Variants in NEK7 observed in about 807,000 individuals in gnomAD.
The protein encoded by NEK7 is serine/threonine-protein kinase Nek7.
NEK7 carries 18 observed loss-of-function variants against 44.6 expected under a neutral mutation model. That is an observed-to-expected ratio of 0.40 (90% confidence interval 0.28 to 0.60). The LOEUF (loss-of-function observed/expected upper bound fraction) is 0.60, where lower values mean the gene tolerates loss of function less well. Ranked by LOEUF, NEK7 falls within the 20% of genes least tolerant of loss-of-function variation. The probability of loss-of-function intolerance (pLI) is 0.38; values close to 1 mark genes in which losing one functional copy is unlikely to be tolerated. For missense variants in NEK7, 256 were observed against 366.5 expected (o/e 0.70, Z 2.46); for synonymous variants, 130 against 121.1 (o/e 1.07, Z -0.48).
intron 5 of NEK7, among the ~76,000 whole-genome samples, chr1:198,270,611 C>T (rs934739575): frequency 6.6e-6 from 1 of 152,070 alleles, no homozygotes; most frequent in African/African-American, 2.4e-5. Flanking sequence ...AGGCTATCTT[C>T]TTAGATTGCT....
intron 1 of NEK7, among the ~76,000 whole-genome samples, chr1:198,199,033 G>A (rs1665333253): frequency 6.6e-6 from 1 of 152,216 alleles, no homozygotes; most frequent in Non-Finnish European, 1.5e-5. Context: ...CAGTGATGGA[G>A]CTGCAAATTC....
chr1:198,184,486 T>G (rs886560591), intron 1 of NEK7, among the ~76,000 whole-genome samples: 1 of 152,228 alleles, frequency 6.6e-6, no homozygotes, highest in Non-Finnish European at 1.5e-5. Flanking sequence ...CATATAACTT[T>G]CATTTTTCTA....
chr1:198,218,456 A>G (rs1330366905), intron 1 of NEK7, among the ~76,000 whole-genome samples: 2 of 151,960 alleles, frequency 1.3e-5, no homozygotes, highest in Admixed American at 1.3e-4. Context: ...AAGACCTGAA[A>G]CTATAAAAAT....
intron 2 of NEK7, among the ~76,000 whole-genome samples, chr1:198,249,045 C>A (rs1186328767): frequency 8.7e-6 from 1 of 114,676 alleles, no homozygotes; most frequent in Non-Finnish European, 1.7e-5. Flanking sequence ...CCCCCCTCCC[C>A]CCACCCCACA....
At chr1:198,170,568 ACTAT>A (rs1664406807) in intron 1 of NEK7, among the ~76,000 whole-genome samples, 1 of 152,152 alleles carries the variant, frequency 6.6e-6, no homozygotes, top group South Asian at 2.1e-4. Context: ...TAAAGGTATG[ACTAT>A]CTATTTGCCA....
chr1:198,293,086 T>C (rs1170756510), intron 8 of NEK7, 47 bp downstream of exon 8: 1 of 983,010 alleles, frequency 1.0e-6, no homozygotes, highest in Non-Finnish European at 1.6e-6. Flanking sequence ...TTTTACTTAG[T>C]ATATTTCCTC....
chr1:198,217,051 T>C (rs532324700), intron 1 of NEK7, among the ~76,000 whole-genome samples: 1 of 152,216 alleles, frequency 6.6e-6, no homozygotes, highest in South Asian at 2.1e-4. Context: ...ACAAGTGTAC[T>C]GAAACTATTT....
chr1:198,158,506 T>C (rs1663988400), intron 1 of NEK7, among the ~76,000 whole-genome samples: 1 of 152,206 alleles, frequency 6.6e-6, no homozygotes, highest in Admixed American at 6.5e-5. Flanking sequence ...AGAGTATGTG[T>C]ATTATAAATA....
intron 1 of NEK7, among the ~76,000 whole-genome samples, chr1:198,221,607 T>C (rs1464942994): frequency 6.6e-6 from 1 of 151,790 alleles, no homozygotes; most frequent in African/African-American, 2.4e-5. Flanking sequence ...TTTTGAAATG[T>C]ATATTGGTTT....
chr1:198,256,259 A>C lies in NEK7; in HGVS notation c.198+3079A>C, dbSNP rs898696556. 4.9e-6 allele frequency: 7 copies of C among 1,438,226 alleles called. No individual in the cohort carries two copies. The African/African-American group carries it at 8.7e-5, about 18-fold the overall frequency. 89.1% of individuals were successfully genotyped at this position (1,438,226 alleles called of 1,614,324 possible). On this transcript the variant is annotated intron_variant, in intron 3 of 9. Coordinates refer to ENST00000367385, the MANE Select transcript of NEK7 (RefSeq NM_133494.3). ...TTAAGGCCCTTCCCTACTTTGTGCCACTCCATTTAGTTCACTGATTCAGGG... is the reference window on the plus strand; with the variant it reads ...TTAAGGCCCTTCCCTACTTTGTGCCCCTCCATTTAGTTCACTGATTCAGGG...
intron 3 of NEK7, among the ~76,000 whole-genome samples, chr1:198,255,801 A>G (rs1017486051): frequency 6.6e-6 from 1 of 152,198 alleles, no homozygotes; most frequent in Non-Finnish European, 1.5e-5. Context: ...TTGTGAAGAT[A>G]TTCTTACCTT....
chr1:198,169,310 A>G (rs1664362327), intron 1 of NEK7, among the ~76,000 whole-genome samples: 1 of 152,196 alleles, frequency 6.6e-6, no homozygotes, highest in South Asian at 2.1e-4. Context: ...TTCCACAGTT[A>G]GAAAGCACTT....
chr1:198,229,896 CT>C (rs1666336153), intron 1 of NEK7, among the ~76,000 whole-genome samples: 1 of 151,930 alleles, frequency 6.6e-6, no homozygotes, highest in African/African-American at 2.4e-5. Flanking sequence ...GTTTTATTTG[CT>C]TAGACATTGT....
At chr1:198,194,565 G>A (rs1022642334) in intron 1 of NEK7, among the ~76,000 whole-genome samples, 1 of 151,886 alleles carries the variant, frequency 6.6e-6, no homozygotes, top group African/African-American at 2.4e-5. Flanking sequence ...AGAACAAGTG[G>A]TATTTGGTTT....
chr1:198,188,031 C>T (rs1664971045), intron 1 of NEK7, among the ~76,000 whole-genome samples: 1 of 152,186 alleles, frequency 6.6e-6, no homozygotes. Context: ...CTTCAGGGCT[C>T]CCATAGCACA....
At chr1:198,220,905 T>C (rs1158724569) in intron 1 of NEK7, 2 of 152,104 alleles carry the variant, frequency 1.3e-5, no homozygotes, top group African/African-American at 2.4e-5. Context: ...AAATGTCTTA[T>C]TAATATTCTC....
At chr1:198,312,957 G>T (rs186670016) in intron 9 of NEK7, among the ~76,000 whole-genome samples, 12 of 152,102 alleles carry the variant, frequency 7.9e-5, no homozygotes, top group African/African-American at 2.9e-4. Context: ...TATTAGGTCC[G>T]CTTGGTGTAG....
At chr1:198,251,597 G>C (rs571069774) in intron 2 of NEK7, among the ~76,000 whole-genome samples, 2 of 152,200 alleles carry the variant, frequency 1.3e-5, no homozygotes, top group Non-Finnish European at 2.9e-5. Context: ...TCCTGGTTTA[G>C]TCTTGGGAGG....
At chr1:198,278,822 C>T (rs891856756) in intron 6 of NEK7, 132 bp from the exon 7 acceptor site, 3 of 585,760 alleles carry the variant, frequency 5.1e-6, no homozygotes, top group Non-Finnish European at 9.1e-6. Context: ...TCAAAATAAA[C>T]TAATTGGTTC....
Sources: allele counts gnomAD v4.1 joint callset (sites outside exome capture counted in the v4.1 genomes callset), GRCh38; gene constraint gnomAD v4.1.1; transcripts MANE v1.5; gene names NCBI Gene and HGNC (gene_info 2026-07-23, HGNC 2026-07-21).